CHODL: variants seen among roughly 807,000 people sequenced by gnomAD.
CHODL encodes the protein chondrolectin.
In CHODL, 29 loss-of-function variants were observed where a neutral mutation model predicts 34.5. The ratio of observed to expected loss-of-function variants is 0.84; its 90% CI spans 0.63 to 1.15. The LOEUF is 1.15. CHODL is among the 50% of genes most tolerant of loss of function. The pLI is 0.00. For synonymous variants in CHODL, 125 were observed against 116.1 expected, an observed-to-expected ratio of 1.08 and a Z score of -0.49; for missense variants, 332 against 332.5, an observed-to-expected ratio of 1.00 and a Z score of 0.01.
intron 1 of CHODL, among the ~76,000 whole-genome samples, chr21:18,014,441 C>T (rs1600896003): frequency 6.6e-6 from 1 of 152,154 alleles, no homozygotes; most frequent in African/African-American, 2.4e-5. Context: ...CACACATGCA[C>T]ATAAACTGGA....
chr21:17,920,154 C>T (rs1464804157), intron 1 of CHODL, among the ~76,000 whole-genome samples: 5 of 152,324 alleles, frequency 3.3e-5, no homozygotes, highest in South Asian at 4.1e-4. Flanking sequence ...GTCTGTTACC[C>T]AGTTCCAAAG....
At chr21:17,927,199 T>C (rs908092968) in intron 1 of CHODL, among the ~76,000 whole-genome samples, 2 of 148,546 alleles carry the variant, frequency 1.3e-5, no homozygotes, top group Non-Finnish European at 3.0e-5. Context: ...TATGTATGTA[T>C]GTGTGTGTGT....
intron 2 of CHODL, among the ~76,000 whole-genome samples, chr21:18,161,093 T>C (rs530801332): frequency 6.6e-6 from 1 of 152,284 alleles, no homozygotes; most frequent in African/African-American, 2.4e-5. Flanking sequence ...TGAGCTTTTT[T>C]TCATATGCTT....
chr21:18,021,473 G>A (rs1475615232), intron 1 of CHODL, among the ~76,000 whole-genome samples: 1 of 152,150 alleles, frequency 6.6e-6, no homozygotes, highest in East Asian at 1.9e-4. Context: ...GTAACATGGG[G>A]CTTGTTCTTC....
intron 1 of CHODL, among the ~76,000 whole-genome samples, chr21:17,945,209 T>TA (rs71189571): frequency 0.092 from 12,927 of 139,810 alleles, 1,655 homozygotes; most frequent in African/African-American, 0.29. Context: ...GAGACTCTGT[T>TA]AAAAAAAAAA....
At chr21:18,117,983 T>A (rs1215920316) in intron 2 of CHODL, among the ~76,000 whole-genome samples, 1 of 152,186 alleles carries the variant, frequency 6.6e-6, no homozygotes, top group Non-Finnish European at 1.5e-5. Flanking sequence ...AAACCATTTT[T>A]GTTATGGTGG....
chr21:17,934,370 A>G (rs1454547877), intron 1 of CHODL, among the ~76,000 whole-genome samples: 1 of 152,130 alleles, frequency 6.6e-6, no homozygotes, highest in East Asian at 1.9e-4. Context: ...CACTTAACAC[A>G]ATTTGGTAAA....
intron 2 of CHODL, among the ~76,000 whole-genome samples, chr21:18,197,400 C>T (rs1248187394): frequency 4.6e-5 from 7 of 152,104 alleles, no homozygotes; most frequent in Non-Finnish European, 8.8e-5. Flanking sequence ...CACTTGAGGT[C>T]AGGAGTTCGA....
chr21:17,953,120 A>C (rs551926504), intron 1 of CHODL, among the ~76,000 whole-genome samples: 2 of 152,308 alleles, frequency 1.3e-5, no homozygotes, highest in African/African-American at 4.8e-5. Context: ...ATAATAAAAT[A>C]ATATAAGATT....
At chr21:18,174,465 G>T (rs557276852) in intron 2 of CHODL, among the ~76,000 whole-genome samples, 2 of 151,982 alleles carry the variant, frequency 1.3e-5, no homozygotes, top group African/African-American at 4.8e-5. Flanking sequence ...GACTACATTG[G>T]ATTATAAAAC....
intron 2 of CHODL, among the ~76,000 whole-genome samples, chr21:18,201,160 A>T (rs1207213740): frequency 6.6e-6 from 1 of 152,228 alleles, no homozygotes; most frequent in East Asian, 1.9e-4. Flanking sequence ...AAAGATATGA[A>T]CCAGGCTATC....
intron 1 of CHODL, among the ~76,000 whole-genome samples, chr21:18,251,608 T>A (rs1174574258): frequency 4.0e-5 from 5 of 124,326 alleles, no homozygotes; most frequent in South Asian, 2.3e-4. Context: ...TTATTTATTT[T>A]AATATATAAA....
chr21:18,002,197 TG>T (rs1184509520), intron 1 of CHODL, among the ~76,000 whole-genome samples: 1 of 152,208 alleles, frequency 6.6e-6, no homozygotes, highest in Non-Finnish European at 1.5e-5. Context: ...TCTATCCACT[TG>T]TTTTATGGAC....
At chr21:18,108,455 A>G (rs767962341) in intron 2 of CHODL, among the ~76,000 whole-genome samples, 115 of 152,340 alleles carry the variant, frequency 7.5e-4, no homozygotes, top group Middle Eastern at 3.4e-3. Flanking sequence ...GTTGAATTAG[A>G]AGGTAAGATT....
At position 18,260,223 on chromosome 21, in the gene CHODL, G is replaced by GA; in HGVS notation, c.575dup (p.Pro193AlafsTer18). 1.3e-6 allele frequency: 2 copies of GA among 1,577,838 alleles called. No individual in the cohort carries two copies. The highest frequency in any genetic ancestry group is 1.7e-6 in the Non-Finnish European group (2 of 1,164,628). Reference sequence around the variant, plus strand: ...AGAGATTAATCCAACAGCCCCTGTAGAAAAGCCTTATCTTACAAATCAACC... The same window carrying GA: ...AGAGATTAATCCAACAGCCCCTGTAGAAAAAGCCTTATCTTACAAATCAACC... On this transcript the variant is annotated frameshift_variant, in exon 4 of 6. Coordinates refer to ENST00000299295, the MANE Select transcript of CHODL (RefSeq NM_024944.3). LOFTEE classifies it high-confidence loss of function.
intron 2 of CHODL, among the ~76,000 whole-genome samples, chr21:18,237,552 A>G (rs550507084): frequency 3.0e-4 from 46 of 152,264 alleles, no homozygotes; most frequent in Non-Finnish European, 5.3e-4. Context: ...GGAAGAAAGG[A>G]GAATATCCTT....
At chr21:18,216,605 C>A (rs1472528525) in intron 2 of CHODL, among the ~76,000 whole-genome samples, 1 of 152,132 alleles carries the variant, frequency 6.6e-6, no homozygotes, top group Admixed American at 6.6e-5. Context: ...TTGCAAATGA[C>A]AAGCGTATTA....
intron 1 of CHODL, among the ~76,000 whole-genome samples, chr21:18,017,130 A>G (rs1371002932): frequency 6.6e-6 from 1 of 152,096 alleles, no homozygotes; most frequent in Non-Finnish European, 1.5e-5. Flanking sequence ...ATGAGTTAAG[A>G]CTTTGCGGGA....
intron 2 of CHODL, among the ~76,000 whole-genome samples, chr21:18,143,804 A>G (rs1425701965): frequency 6.6e-6 from 1 of 152,158 alleles, no homozygotes; most frequent in Non-Finnish European, 1.5e-5. Context: ...CAGAATAATA[A>G]CATCCTAATT....
Sources: gnomAD v4.1 joint callset for allele counts (sites outside exome capture counted in the v4.1 genomes callset) on GRCh38, gnomAD v4.1.1 for gene constraint, MANE v1.5 for transcripts, NCBI Gene and HGNC (gene_info 2026-07-23, HGNC 2026-07-21) for gene names.